Variants in OFD1 observed in about 807,000 individuals in gnomAD.
OFD1 encodes centriole and centriolar satellite protein OFD1.
A neutral mutation model predicts 81.4 loss-of-function variants in OFD1; 12 were observed. The ratio of observed to expected loss-of-function variants is 0.15; its 90% CI spans 0.09 to 0.24. The LOEUF is 0.24. Among genes scored for constraint, OFD1 ranks in the 10% least tolerant of loss-of-function variants. OFD1 has a pLI of 1.00. For synonymous variants in OFD1, 256 were observed against 263.7 expected, an observed-to-expected ratio of 0.97 and a Z score of 0.28; for missense variants, 685 against 733.9, an observed-to-expected ratio of 0.93 and a Z score of 0.77.
chrX:13,741,546 T>G (rs757995148), intron 5 of OFD1, among the ~76,000 whole-genome samples: 9 of 111,748 alleles, frequency 8.1e-5, no homozygotes, highest in Non-Finnish European at 1.7e-4. Context: ...ACTGCTAATT[T>G]TCCTTTCAGA....
chrX:13,729,201 C>T, the OFD1 span, among the ~76,000 whole-genome samples: 5 of 111,577 alleles, frequency 4.5e-5, no homozygotes, highest in Admixed American at 4.7e-4. Flanking sequence ...TCACTGCCAT[C>T]CCCATCAAGC....
At chrX:13,716,154 C>G in the OFD1 span, 2 of 1,057,505 alleles carry the variant, frequency 1.9e-6, no homozygotes, top group Non-Finnish European at 2.5e-6. Flanking sequence ...TTCGTTGATA[C>G]AGTATTCTTC....
At chrX:13,773,403 G>A (rs374519621), downstream of OFD1, 55 of 123,456 alleles carry the variant, frequency 4.5e-4, no homozygotes, top group East Asian at 1.6e-3. Context: ...TAAGTGTAGT[G>A]TGTGCAAAGA....
chrX:13,770,889 C>T (rs2048283160), downstream of OFD1: 1 of 111,903 alleles, frequency 8.9e-6, no homozygotes, highest in Non-Finnish European at 1.9e-5. Context: ...AAAAGTGAAA[C>T]CATACTGAGA....
chrX:13,715,751 C>T, the OFD1 span: 2 of 881,930 alleles, frequency 2.3e-6, no homozygotes, highest in Non-Finnish European at 2.8e-6. Context: ...ATGAGGACAA[C>T]AAGGTGAAGA....
chrX:13,719,574 G>A, the OFD1 span, among the ~76,000 whole-genome samples: 3 of 112,013 alleles, frequency 2.7e-5, no homozygotes, highest in Non-Finnish European at 3.8e-5. Flanking sequence ...ATTTCAAGGC[G>A]GCAATCCACT....
At chrX:13,738,038 G>A (rs1320850608) in intron 3 of OFD1, among the ~76,000 whole-genome samples, 2 of 110,826 alleles carry the variant, frequency 1.8e-5, no homozygotes, top group African/African-American at 6.6e-5. Flanking sequence ...TTAGTAGAGA[G>A]GAGGTTTCAC....
rs143954823 is a variant in OFD1, at chrX:13,760,493, C to G, written c.2033C>G (p.Ala678Gly). ...KSPPSLHLLE[A>G]FKNITSSSPE... ...CCACCATCTCTGCACTTGCTGGAAG[C>G]CTTCAAAAACATTACTTCCAGTTCC... The change falls in exon 16 of 23, where the codon GCC becomes GGC. Residue 678 changes from alanine (A) to glycine (G), a missense_variant. Coordinates refer to ENST00000340096, the MANE Select transcript of OFD1 (RefSeq NM_003611.3). 450 of 1,165,352 alleles carry G rather than the reference C, an allele frequency of 3.9e-4. 1 individual carries two copies. In the African/African-American group the frequency reaches 6.3e-3, roughly 16 times the overall value.
intron 18 of OFD1, 36 bp downstream of exon 18, chrX:13,762,480 G>GA: frequency 1.1e-6 from 1 of 878,704 alleles, no homozygotes. Flanking sequence ...TTTATATGTT[G>GA]AAAATCTAGA....
the OFD1 span, among the ~76,000 whole-genome samples, chrX:13,729,573 C>A: frequency 8.9e-6 from 1 of 112,118 alleles, no homozygotes; most frequent in African/African-American, 3.2e-5. Flanking sequence ...TGGATCCCTT[C>A]CTTACACCTT....
intron 5 of OFD1, among the ~76,000 whole-genome samples, chrX:13,743,340 T>G (rs1717015839): frequency 8.9e-6 from 1 of 112,753 alleles, no homozygotes; most frequent in Non-Finnish European, 1.9e-5. Flanking sequence ...CAGTATAGAC[T>G]AATTATTTTT....
chrX:13,726,367 G>A, the OFD1 span, among the ~76,000 whole-genome samples: 1 of 111,819 alleles, frequency 8.9e-6, no homozygotes, highest in Non-Finnish European at 1.9e-5. Flanking sequence ...GAGAAAGGTC[G>A]GGTTACCCAC....
At chrX:13,735,138 A>G (rs2146902918) in intron 1 of OFD1, 55 bp downstream of exon 1, 1 of 1,208,284 alleles carries the variant, frequency 8.3e-7, no homozygotes, top group South Asian at 1.8e-5. Flanking sequence ...TGTGTTCGTT[A>G]AACTTTCGCC....
intron 1 of OFD1, 46 bp from the exon 2 acceptor site, chrX:13,735,202 C>T: frequency 6.7e-6 from 8 of 1,194,701 alleles, no homozygotes; most frequent in Non-Finnish European, 9.1e-6. Context: ...CAGACGTTCA[C>T]GTTCCCTCTG....
At chrX:13,730,709 C>T (rs1289843472), upstream of OFD1, among the ~76,000 whole-genome samples, 1 of 111,229 alleles carries the variant, frequency 9.0e-6, no homozygotes, top group Non-Finnish European at 1.9e-5. Context: ...AAATGTGGCA[C>T]ATATACACCA....
rs769402747 is a variant in OFD1, at chrX:13,736,573, C to G, written c.207C>G (p.Leu69=). Residue 69 remains leucine, a synonymous_variant, in exon 3 of 23, where the codon CTC becomes CTG. Transcript: ENST00000340096. ...PRSISVEGSS[L]LIGASNSLVA... ...CCATTTCAGTAGAAGGGAGCTCCCT[C>G]TTAATAGGCGCCTCTAACTCTTTAG... 2.5e-6 allele frequency: 3 copies of G among 1,208,603 alleles called. No homozygotes were observed. The highest frequency in any genetic ancestry group is 3.4e-6 in the Non-Finnish European group (3 of 892,454).
chrX:13,738,782 C>T, intron 3 of OFD1, 64 bp from the exon 4 acceptor site: 2 of 677,092 alleles, frequency 3.0e-6, no homozygotes, highest in South Asian at 2.4e-5. Context: ...AGAAACATAT[C>T]CTAATTTATC....
chrX:13,739,074 A>G (rs1310243000), intron 5 of OFD1, 42 bp downstream of exon 5: 2 of 1,142,344 alleles, frequency 1.8e-6, no homozygotes, highest in Admixed American at 2.2e-5. Context: ...ACAGTTTTCT[A>G]TGTACTTTTT....
chrX:13,737,393 T>C (rs1189589968), intron 3 of OFD1, among the ~76,000 whole-genome samples: 1 of 108,217 alleles, frequency 9.2e-6, no homozygotes, highest in Non-Finnish European at 1.9e-5. Flanking sequence ...TTTTTTTTAA[T>C]AGACTTTATT....
Sources: gnomAD v4.1 joint callset for allele counts (sites outside exome capture counted in the v4.1 genomes callset) on GRCh38, gnomAD v4.1.1 for gene constraint, MANE v1.5 for transcripts, NCBI Gene and HGNC (gene_info 2026-07-23, HGNC 2026-07-21) for gene names.